Variants in AKNA observed in about 807,000 individuals in gnomAD.
AKNA encodes the protein microtubule organization protein AKNA.
AKNA carries 67 observed loss-of-function variants against 138.8 expected under a neutral mutation model. The observed-to-expected ratio is 0.48, with a 90% CI of 0.40 to 0.59. AKNA has a LOEUF of 0.59. AKNA is among the 20% of genes least tolerant of loss of function. AKNA has a pLI of 0.00. For synonymous variants in AKNA, 737 were observed against 754.4 expected, an observed-to-expected ratio of 0.98 and a Z score of 0.38; for missense variants, 1,813 against 1,880.4, an observed-to-expected ratio of 0.96 and a Z score of 0.66.
In AKNA at chr9:114,336,781, C is replaced by T; in HGVS notation, c.*273G>A. 2.5e-6 allele frequency: 1 copy of T among 404,212 alleles called. No homozygotes were observed. The allele number at this position is 404,212 out of a possible 1,614,324, so 25.0% of individuals were successfully genotyped here. ...ACACATGCAGGACCAGGAGAGACTG[C>T]CTGAGGTTCTGCCTGGACCGAAGGA... On this transcript the variant is annotated 3_prime_UTR_variant, in exon 22 of 22. Transcript: ENST00000374088.
chr9:114,386,746 G>A (rs919868336), intron 1 of AKNA, among the ~76,000 whole-genome samples: 5 of 152,086 alleles, frequency 3.3e-5, no homozygotes, highest in African/African-American at 4.8e-5. Context: ...TGGGTGGGAT[G>A]GACTCTTCTT....
At chr9:114,350,133 A>G (rs1831002189) in intron 15 of AKNA, among the ~76,000 whole-genome samples, 1 of 152,188 alleles carries the variant, frequency 6.6e-6, no homozygotes, top group South Asian at 2.1e-4. Flanking sequence ...GGCATACCCT[A>G]GACAAACAAG....
At chr9:114,339,879 C>T (rs1327270181) in intron 21 of AKNA, among the ~76,000 whole-genome samples, 2 of 152,174 alleles carry the variant, frequency 1.3e-5, no homozygotes, top group African/African-American at 2.4e-5. Flanking sequence ...GGCAGATCAC[C>T]TGAGGCCAGG....
upstream of AKNA, among the ~76,000 whole-genome samples, chr9:114,391,131 G>C (rs1834323305): frequency 1.3e-5 from 2 of 152,140 alleles, no homozygotes; most frequent in African/African-American, 4.8e-5. Flanking sequence ...TCACAGTTGG[G>C]TAAACAGAGG....
At chr9:114,394,789 T>A (rs1230109445), upstream of AKNA, among the ~76,000 whole-genome samples, 2 of 152,216 alleles carry the variant, frequency 1.3e-5, no homozygotes, top group African/African-American at 2.4e-5. Flanking sequence ...ATCCTCCAGA[T>A]GAATCCTTAG....
chr9:114,344,126 C>T, intron 18 of AKNA: 1 of 246,064 alleles, frequency 4.1e-6, no homozygotes, highest in Non-Finnish European at 8.0e-6. Context: ...CAGGCTAAGT[C>T]AGGATTTGAA....
intron 12 of AKNA, among the ~76,000 whole-genome samples, chr9:114,357,274 G>A (rs1373069376): frequency 6.6e-6 from 1 of 152,236 alleles, no homozygotes; most frequent in African/African-American, 2.4e-5. Flanking sequence ...AGGGGAGAGG[G>A]AGAAAGCCTT....
intron 21 of AKNA, among the ~76,000 whole-genome samples, chr9:114,341,173 AACCCAGTGCTC>A (rs2131778498): frequency 6.6e-6 from 1 of 152,350 alleles, no homozygotes; most frequent in Admixed American, 6.5e-5. Context: ...TATTAAAAAA[AACCCAGTGCTC>A]ATCACTTACT....
At position 114,368,528 on chromosome 9, in the gene AKNA, G is replaced by A. The variant is rs752539296; in HGVS notation, c.1484C>T (p.Thr495Ile). The A allele has an allele frequency of 2.9e-6, 4 of 1,379,706 alleles. No homozygotes were observed. The highest frequency in any genetic ancestry group is 3.8e-6 in the Non-Finnish European group (4 of 1,058,902). 85.5% of individuals were successfully genotyped at this position (1,379,706 alleles called of 1,614,324 possible). Reference protein sequence around the residue: ...SIHTGMVPQGTKVLSFTIPQP... With the variant: ...SIHTGMVPQGIKVLSFTIPQP... ...TGGGATGGTGAAGGACAAGACCTTG[G>A]TCCCCTGGGGCACCATTCCCGTGTG... The change falls in exon 5 of 22, where the codon ACC (threonine) becomes ATC (isoleucine). Residue 495 changes from threonine to isoleucine, a missense_variant. Thr to Ile is a moderately conservative substitution (Grantham distance 89). Coordinates refer to ENST00000374088, the MANE Select transcript of AKNA (RefSeq NM_001317950.2).
intron 14 of AKNA, among the ~76,000 whole-genome samples, chr9:114,351,641 C>T (rs950015891): frequency 1.9e-4 from 22 of 114,208 alleles, no homozygotes; most frequent in African/African-American, 8.6e-4. Flanking sequence ...AGAAAGACCC[C>T]ATCTTTGCAA....
chr9:114,337,242 G>T lies in AKNA; in HGVS notation c.4132C>A (p.Pro1378Thr). The change falls in exon 22 of 22, where the codon CCC (proline) becomes ACC (threonine). Residue 1378 changes from proline to threonine, a missense_variant. Pro to Thr is a conservative substitution (Grantham distance 38). Transcript: ENST00000374088. The part of the protein sequence containing the change: ...PAAKWPPTAS[P>T]PPARRHRHSI... ...TGCCGGTGTCTCCGGGCTGGTGGGGGAGAGGCTGTGGGCGGCCACTTGGCA... is the reference window on the plus strand; with the variant it reads ...TGCCGGTGTCTCCGGGCTGGTGGGGTAGAGGCTGTGGGCGGCCACTTGGCA... The T allele has an allele frequency of 4.5e-6, 7 of 1,570,244 alleles. No individual in the cohort carries two copies. Among genetic ancestry groups the T allele is most frequent in the Non-Finnish European group, 6.1e-6 (7 of 1,149,962 alleles).
At chr9:114,354,581 T>C (rs951484210) in intron 14 of AKNA, among the ~76,000 whole-genome samples, 21 of 151,676 alleles carry the variant, frequency 1.4e-4, no homozygotes, top group African/African-American at 4.6e-4. Context: ...GGCATGGTGG[T>C]GGGCGCCTGT....
At chr9:114,394,388 A>AGTTG (rs1289877579) in exon 1 of AKNA, 2 of 152,060 alleles carry the variant, frequency 1.3e-5, no homozygotes, top group African/African-American at 4.8e-5. Context: ...GACCTTGGGC[A>AGTTG]CCTCCGTCTT....
At chr9:114,360,907 T>C (rs1201364157) in intron 9 of AKNA, among the ~76,000 whole-genome samples, 2 of 152,048 alleles carry the variant, frequency 1.3e-5, no homozygotes, top group Non-Finnish European at 1.5e-5. Flanking sequence ...TTGTCTAGGT[T>C]TCACCCCATT....
chr9:114,366,166 C>T (rs1832339412), intron 6 of AKNA, among the ~76,000 whole-genome samples: 1 of 151,714 alleles, frequency 6.6e-6, no homozygotes, highest in Non-Finnish European at 1.5e-5. Context: ...GTAATCTCAG[C>T]TTCTAGGGAG....
At position 114,361,896 on chromosome 9, in the gene AKNA, C is replaced by T. The variant is rs1388473801; in HGVS notation, c.1932G>A (p.Glu644=). ...CCAGGCAGCTTCCCAGACGGTATAT[C>T]TCTGCCTCCAGCTCCCTGGAATGCA... The part of the protein sequence containing the change: ...RFDPRRELEA[E]IYRLGSCLEE... The change falls in exon 9 of 22, where the codon GAG becomes GAA. Residue 644 remains glutamate, a synonymous_variant. Coordinates refer to ENST00000374088, the MANE Select transcript of AKNA (RefSeq NM_001317950.2). The T allele has an allele frequency of 6.2e-7, 1 of 1,603,150 alleles. No individual in the cohort carries two copies. The highest frequency in any genetic ancestry group is 1.1e-5 in the South Asian group (1 of 91,084).
chr9:114,376,826 C>A lies in AKNA; in HGVS notation c.981G>T (p.Gln327His), dbSNP rs758231391. ...CTCCCTGTCTGGGCAGCGGCCTGCC[C>A]TGCCGCGTTGGCCTGGGCTGGGGAT... ...PLNPQPRPTR[Q>H]GRPLPRQGAT... Residue 327 changes from glutamine (Q) to histidine (H), a missense_variant, in exon 3 of 22, where the codon CAG becomes CAT. Transcript: ENST00000374088. 6.2e-7 allele frequency: 1 copy of A among 1,613,112 alleles called. No individual in the cohort carries two copies. The highest frequency in any genetic ancestry group is 1.1e-5 in the South Asian group (1 of 91,018).
chr9:114,378,096 C>A lies in AKNA; in HGVS notation c.275-564G>T, dbSNP rs575752344. Among the ~76,000 whole-genome samples the A allele has an allele frequency of 5.2e-4, 79 of 152,290 alleles. 1 individual carries two copies. The highest frequency in any genetic ancestry group is 1.8e-3 in the Admixed American group (27 of 15,306). ...AGAACCTTCACTATGGTCCTAAGGT[C>A]GCTGCCACCCCGGCCCCATTAGCTC... is the stretch of plus-strand genomic sequence containing the variant. On this transcript the variant is annotated intron_variant, in intron 2 of 21. Coordinates refer to ENST00000374088, the MANE Select transcript of AKNA (RefSeq NM_001317950.2).
chr9:114,393,971 G>C (rs150921580), intron 1 of AKNA, among the ~76,000 whole-genome samples: 2 of 152,064 alleles, frequency 1.3e-5, no homozygotes, highest in South Asian at 2.1e-4. Context: ...TCAGGAGTTC[G>C]AGACCAGCCT....
Sources: gnomAD v4.1 joint callset for allele counts (sites outside exome capture counted in the v4.1 genomes callset) on GRCh38, gnomAD v4.1.1 for gene constraint, MANE v1.5 for transcripts, NCBI Gene and HGNC (gene_info 2026-07-23, HGNC 2026-07-21) for gene names.